MED15: variants seen among roughly 807,000 people sequenced by gnomAD.
MED15 encodes mediator of RNA polymerase II transcription subunit 15.
A neutral mutation model predicts 118.7 loss-of-function variants in MED15; 41 were observed. The observed-to-expected ratio is 0.35, with a 90% CI of 0.27 to 0.45. The LOEUF (loss-of-function observed/expected upper bound fraction) is 0.45, where lower values mean the gene tolerates loss of function less well. Ranked by LOEUF, MED15 falls within the 20% of genes least tolerant of loss-of-function variation. The pLI is 1.00. For synonymous variants in MED15, 436 were observed against 413.9 expected, an observed-to-expected ratio of 1.05 and a Z score of -0.65; for missense variants, 740 against 1,025.5, an observed-to-expected ratio of 0.72 and a Z score of 3.80.
chr22:20,512,040 G>A (rs1344282706), intron 1 of MED15, among the ~76,000 whole-genome samples: 1 of 141,128 alleles, frequency 7.1e-6, no homozygotes, highest in Non-Finnish European at 1.5e-5. Context: ...CCAGGTTAGA[G>A]TGCAGTGGTA....
intron 9 of MED15, among the ~76,000 whole-genome samples, chr22:20,576,077 A>G (rs763329652): frequency 3.0e-4 from 45 of 152,162 alleles, no homozygotes; most frequent in Non-Finnish European, 5.1e-4. Flanking sequence ...GAAATTTGGA[A>G]TTACTCCATG....
chr22:20,507,909 C>T (rs776896781), intron 1 of MED15, 163 bp downstream of exon 1: 10 of 1,462,818 alleles, frequency 6.8e-6, no homozygotes, highest in Non-Finnish European at 8.1e-6. Flanking sequence ...CTGTCCCCTC[C>T]GTTCCCGACA....
chr22:20,561,764 C>T (rs1210512946), intron 5 of MED15, among the ~76,000 whole-genome samples: 1 of 152,138 alleles, frequency 6.6e-6, no homozygotes, highest in Non-Finnish European at 1.5e-5. Flanking sequence ...TCTGTAATCC[C>T]AGCACTTGGA....
intron 1 of MED15, among the ~76,000 whole-genome samples, chr22:20,521,115 G>C (rs1330519576): frequency 8.8e-5 from 1 of 11,380 alleles, no homozygotes. Flanking sequence ...TTTTTTTTTT[G>C]AGATGGAGTC....
In MED15 at chr22:20,557,529, G is replaced by T. The variant is rs536138722; in HGVS notation, c.451+2381G>T. On this transcript the variant is annotated intron_variant, in intron 5 of 17. Transcript: ENST00000263205. The stretch of plus-strand genomic sequence containing the variant: ...TTAGGGAGGACCCACAGAAGTGCCG[G>T]CTCAAGTTCCTTGTCACGTTCTACT... Among the ~76,000 whole-genome samples the T allele has an allele frequency of 2.7e-4, 41 of 152,168 alleles. No homozygotes were observed. In the South Asian group the frequency reaches 8.5e-3, roughly 32 times the overall value.
intron 1 of MED15, among the ~76,000 whole-genome samples, chr22:20,518,241 G>A (rs918944169): frequency 6.6e-6 from 1 of 152,118 alleles, no homozygotes; most frequent in East Asian, 1.9e-4. Flanking sequence ...CCAGGCTTGC[G>A]TGCCTGGTGA....
chr22:20,568,370 G>A, intron 7 of MED15, 151 bp from the exon 8 acceptor site: 1 of 1,227,426 alleles, frequency 8.1e-7, no homozygotes, highest in Non-Finnish European at 1.1e-6. Context: ...GATCCTAGAT[G>A]GCCAGTAAGG....
At chr22:20,559,026 C>T (rs1023827941) in intron 5 of MED15, among the ~76,000 whole-genome samples, 3 of 152,074 alleles carry the variant, frequency 2.0e-5, no homozygotes, top group Non-Finnish European at 2.9e-5. Context: ...CACAGTGGCT[C>T]ACGACTACAC....
At chr22:20,517,842 A>C (rs1178461759) in intron 1 of MED15, among the ~76,000 whole-genome samples, 1 of 148,796 alleles carries the variant, frequency 6.7e-6, no homozygotes, top group Non-Finnish European at 1.5e-5. Flanking sequence ...GGGGCACTTA[A>C]ATTAGATCCA....
chr22:20,575,792 T>C (rs1233583141), intron 9 of MED15, among the ~76,000 whole-genome samples: 1 of 151,646 alleles, frequency 6.6e-6, no homozygotes, highest in Non-Finnish European at 1.5e-5. Flanking sequence ...AAAAGTCAAC[T>C]AAAATTAAAT....
intron 4 of MED15, among the ~76,000 whole-genome samples, chr22:20,553,917 A>G (rs577408547): frequency 1.6e-4 from 25 of 152,368 alleles, no homozygotes; most frequent in Middle Eastern, 6.8e-3. Flanking sequence ...AGCGTTTATC[A>G]CATGAGGGGA....
intron 1 of MED15, among the ~76,000 whole-genome samples, chr22:20,511,296 G>A (rs2054054852): frequency 6.6e-6 from 1 of 151,936 alleles, no homozygotes; most frequent in Non-Finnish European, 1.5e-5. Flanking sequence ...GACTACTTGA[G>A]TCCAGGAGTT....
At position 20,583,139 on chromosome 22, in the gene MED15, G is replaced by A. The variant is rs761790480; in HGVS notation, c.1564G>A (p.Ala522Thr). Residue 522 changes from alanine to threonine, a missense_variant, in exon 12 of 18, where the codon GCT (alanine) becomes ACT (threonine). By Grantham distance (58) the Ala-to-Thr change is moderately conservative (BLOSUM62 0). Coordinates refer to ENST00000263205, the MANE Select transcript of MED15 (RefSeq NM_001003891.3). The part of the protein sequence containing the change: ...PVNPSSVMSP[A>T]GSSQAEEQQY... ...GAACCCCAGCTCTGTCATGAGCCCA[G>A]CTGGCTCCAGCCAGGCTGAGGAGCA... 5.0e-6 allele frequency: 8 copies of A among 1,604,712 alleles called. No individual in the cohort carries two copies. In the Admixed American group the frequency reaches 1.2e-4, roughly 23 times the overall value.
chr22:20,537,764 G>C (rs917275023), intron 2 of MED15, among the ~76,000 whole-genome samples: 5 of 152,252 alleles, frequency 3.3e-5, no homozygotes, highest in Admixed American at 2.6e-4. Flanking sequence ...TTTAATCTGT[G>C]TGTGCTCCCT....
intron 9 of MED15, among the ~76,000 whole-genome samples, chr22:20,576,521 C>G (rs2056828577): frequency 6.6e-6 from 1 of 152,286 alleles, no homozygotes; most frequent in Non-Finnish European, 1.5e-5. Context: ...TCCCTGCATA[C>G]TAACCCCCTG....
chr22:20,551,089 C>G (rs1230411455), intron 2 of MED15: 1 of 526,210 alleles, frequency 1.9e-6, no homozygotes, highest in Non-Finnish European at 3.8e-6. Flanking sequence ...GCCCTCAGGC[C>G]AGCGCCTCAT....
chr22:20,584,475 CT>C, intron 14 of MED15, 50 bp downstream of exon 14: 1 of 1,591,804 alleles, frequency 6.3e-7, no homozygotes, highest in Non-Finnish European at 8.6e-7. Context: ...CTCCTAAGAG[CT>C]CCTGGGAGTG....
intron 5 of MED15, among the ~76,000 whole-genome samples, chr22:20,564,048 G>T (rs978328833): frequency 6.6e-6 from 1 of 152,132 alleles, no homozygotes; most frequent in Non-Finnish European, 1.5e-5. Context: ...AACATGCCAC[G>T]ACATGGGCGA....
At chr22:20,517,383 C>T (rs181277405) in intron 1 of MED15, among the ~76,000 whole-genome samples, 6 of 152,316 alleles carry the variant, frequency 3.9e-5, no homozygotes, top group Admixed American at 2.6e-4. Context: ...GGCAGTGGAT[C>T]CTCAGACAAT....
Sources: allele counts gnomAD v4.1 joint callset (sites outside exome capture counted in the v4.1 genomes callset), GRCh38; gene constraint gnomAD v4.1.1; transcripts MANE v1.5; gene names NCBI Gene and HGNC (gene_info 2026-07-23, HGNC 2026-07-21).